Variants in PRKN observed in about 807,000 individuals in gnomAD.
PRKN encodes parkin RBR E3 ubiquitin protein ligase.
PRKN carries 56 observed loss-of-function variants against 59.5 expected under a neutral mutation model. The ratio of observed to expected loss-of-function variants is 0.94; its 90% CI spans 0.76 to 1.18. The LOEUF is 1.18. Among genes scored for constraint, PRKN ranks in the 50% most tolerant of loss-of-function variants. The probability of loss-of-function intolerance (pLI) is 0.00; values close to 1 mark genes in which losing one functional copy is unlikely to be tolerated. For missense variants in PRKN, 657 were observed against 596.4 expected, an observed-to-expected ratio of 1.10 and a Z score of -1.06; for synonymous variants, 250 against 222.1, an observed-to-expected ratio of 1.13 and a Z score of -1.12.
At chr6:162,011,222 AT>A (rs563660554) in intron 5 of PRKN, among the ~76,000 whole-genome samples, 167 of 21,062 alleles carry the variant, frequency 7.9e-3, no homozygotes, top group Non-Finnish European at 0.012. Context: ...TATAGTATAT[AT>A]TTATAATATA....
At chr6:162,483,576 A>G (rs1251972445) in intron 1 of PRKN, among the ~76,000 whole-genome samples, 5 of 151,220 alleles carry the variant, frequency 3.3e-5, no homozygotes, top group Non-Finnish European at 4.4e-5. Flanking sequence ...AGAGAGGGAG[A>G]GAGGGAGACG....
At chr6:161,374,705 T>C (rs1355348150) in intron 10 of PRKN, among the ~76,000 whole-genome samples, 1 of 2,072 alleles carries the variant, frequency 4.8e-4, no homozygotes, top group East Asian at 0.019. Context: ...GTGTGCGTTA[T>C]GTTTATGTGT....
At chr6:161,714,541 A>C (rs149421991) in intron 7 of PRKN, among the ~76,000 whole-genome samples, 1 of 152,266 alleles carries the variant, frequency 6.6e-6, no homozygotes, top group Non-Finnish European at 1.5e-5. Flanking sequence ...CAGGGTGATA[A>C]ATTTCTGTTC....
intron 5 of PRKN, among the ~76,000 whole-genome samples, chr6:162,026,708 T>A (rs1033440919): frequency 4.6e-5 from 7 of 152,154 alleles, no homozygotes; most frequent in Non-Finnish European, 2.9e-5. Context: ...ATAAGTTAAA[T>A]AGTAATGGCT....
intron 7 of PRKN, among the ~76,000 whole-genome samples, chr6:161,758,945 G>A (rs1233396278): frequency 3.3e-5 from 5 of 152,050 alleles, no homozygotes; most frequent in African/African-American, 9.7e-5. Flanking sequence ...TTGGGAGGCC[G>A]AGGCAGGTGG....
At chr6:162,567,015 T>C (rs1046698389) in intron 1 of PRKN, among the ~76,000 whole-genome samples, 1 of 152,206 alleles carries the variant, frequency 6.6e-6, no homozygotes. Flanking sequence ...AAAAATCATA[T>C]GATGATTTCA....
chr6:161,702,323 C>G (rs1184714280), intron 7 of PRKN, among the ~76,000 whole-genome samples: 1 of 152,170 alleles, frequency 6.6e-6, no homozygotes, highest in Non-Finnish European at 1.5e-5. Context: ...GGATCTGCAG[C>G]AGCCCATCCA....
At chr6:162,693,480 A>C (rs1777852821) in intron 1 of PRKN, among the ~76,000 whole-genome samples, 1 of 152,210 alleles carries the variant, frequency 6.6e-6, no homozygotes, top group Admixed American at 6.5e-5. Context: ...GCTGTACTTA[A>C]GAGTTGTCCC....
At chr6:162,455,528 C>G (rs953101147) in intron 1 of PRKN, among the ~76,000 whole-genome samples, 3 of 152,162 alleles carry the variant, frequency 2.0e-5, no homozygotes, top group African/African-American at 7.2e-5. Flanking sequence ...AGCAAAGGTA[C>G]AGTAAAAATA....
At position 161,419,302 on chromosome 6, in the gene PRKN, AC is replaced by A. The variant is rs201138907; in HGVS notation, c.1084-32426del. 3.7e-3 allele frequency among the ~76,000 whole-genome samples: 567 copies of A among 152,306 alleles called. 4 individuals carry two copies. The highest frequency in any genetic ancestry group is 0.012 in the African/African-American group (518 of 41,548). On this transcript the variant is annotated intron_variant, in intron 9 of 11. Transcript: ENST00000366898. The surrounding 1 kb of genome is among the most constrained non-coding windows in gnomAD (Gnocchi z 4.1). ...CCCTGCGCCACAGTGGTAGAAAGTG[AC>A]CAACTAGCAGTCAACCAGGAGATTT...
At chr6:162,072,557 C>T (rs992852627) in intron 4 of PRKN, among the ~76,000 whole-genome samples, 1 of 152,136 alleles carries the variant, frequency 6.6e-6, no homozygotes, top group Non-Finnish European at 1.5e-5. Flanking sequence ...CATTTTTATT[C>T]GTGCAATTTC....
intron 7 of PRKN, among the ~76,000 whole-genome samples, chr6:161,647,930 T>C (rs1784015528): frequency 6.6e-6 from 1 of 152,242 alleles, no homozygotes; most frequent in African/African-American, 2.4e-5. Context: ...CTGAGAAATT[T>C]AGTACGGTAT....
chr6:161,986,428 T>C (rs1409923848), intron 5 of PRKN, among the ~76,000 whole-genome samples: 1 of 151,912 alleles, frequency 6.6e-6, no homozygotes, highest in Non-Finnish European at 1.5e-5. Context: ...CCAACATCAC[T>C]ATTCTTGGGA....
intron 10 of PRKN, among the ~76,000 whole-genome samples, chr6:161,364,360 G>A (rs1162763164): frequency 2.0e-5 from 3 of 148,906 alleles, no homozygotes; most frequent in African/African-American, 7.4e-5. Flanking sequence ...TCAGGAGGCT[G>A]AGGCAGGAGA....
chr6:162,021,805 A>G (rs1218502911), intron 5 of PRKN, among the ~76,000 whole-genome samples: 2 of 152,100 alleles, frequency 1.3e-5, no homozygotes, highest in African/African-American at 2.4e-5. Flanking sequence ...AATAGTGAAC[A>G]TAGTGCCCAA....
At chr6:162,475,897 G>A (rs997854471) in intron 1 of PRKN, among the ~76,000 whole-genome samples, 7 of 138,960 alleles carry the variant, frequency 5.0e-5, no homozygotes, top group Admixed American at 1.4e-4. Context: ...GATTACAGGC[G>A]CACACCACCA....
chr6:162,183,743 C>T (rs1783900719), intron 4 of PRKN, among the ~76,000 whole-genome samples: 2 of 152,154 alleles, frequency 1.3e-5, no homozygotes, highest in Admixed American at 1.3e-4. Context: ...GGCTCAATAG[C>T]CATAAAACTT....
chr6:161,348,480 C>T lies in PRKN; in HGVS notation c.*1619G>A. On this transcript the variant is annotated 3_prime_UTR_variant, in exon 12 of 12. Coordinates refer to ENST00000366898, the MANE Select transcript of PRKN (RefSeq NM_004562.3). The surrounding 1 kb of genome is among the most constrained non-coding windows in gnomAD (Gnocchi z 4.9). ...GCTGTGAATGCTGATGTGGCTGCTG[C>T]AGAGCCCAGTCTCTCCCCGGTGCAG... is the stretch of plus-strand genomic sequence containing the variant. The T allele has an allele frequency of 4.6e-6, 1 of 218,144 alleles. No individual in the cohort carries two copies. Among genetic ancestry groups the T allele is most frequent in the Non-Finnish European group, 9.2e-6 (1 of 108,542 alleles). 13.5% of individuals were successfully genotyped at this position (218,144 alleles called of 1,614,324 possible).
Position 161,548,830 on chromosome 6 carries a change from T to G in PRKN, c.1083+24A>C. On this transcript the variant is annotated intron_variant, in intron 9 of 11. Coordinates refer to ENST00000366898, the MANE Select transcript of PRKN (RefSeq NM_004562.3). This position sits in a 1 kb window ranked among gnomAD's most constrained non-coding sequence, Gnocchi z 4.2. ...GCAAACAAGGACAGGAACACACCGC[T>G]CCAGGGGTGTGGGCAGTACTCACCC... is the stretch of plus-strand genomic sequence containing the variant. 1 of 1,611,570 alleles carries G rather than the reference T, an allele frequency of 6.2e-7. No homozygotes were observed. Among genetic ancestry groups the G allele is most frequent in the Non-Finnish European group, 8.5e-7 (1 of 1,177,708 alleles).
Sources: gnomAD v4.1 joint callset for allele counts (sites outside exome capture counted in the v4.1 genomes callset) on GRCh38, gnomAD v4.1.1 for gene constraint, Gnocchi (gnomAD v3.1) non-coding constraint, MANE v1.5 for transcripts, NCBI Gene and HGNC (gene_info 2026-07-23, HGNC 2026-07-21) for gene names.